SRGAP1: variants seen among roughly 807,000 people sequenced by gnomAD.
SRGAP1 encodes the protein SLIT-ROBO Rho GTPase-activating protein 1.
Under a neutral mutation model 121.9 loss-of-function variants are expected in SRGAP1, and 43 were observed. The ratio of observed to expected loss-of-function variants is 0.35; its 90% CI spans 0.28 to 0.46. The LOEUF (loss-of-function observed/expected upper bound fraction) is 0.46. Among genes scored for constraint, SRGAP1 ranks in the 20% least tolerant of loss-of-function variants. The pLI is 1.00. For missense variants in SRGAP1, 1,102 were observed against 1,350.9 expected (o/e 0.82, Z 2.89); for synonymous variants, 447 against 485.4 (o/e 0.92, Z 1.04).
At chr12:64,097,547 G>A (rs1428945815) in intron 15 of SRGAP1, 172 bp downstream of exon 15, 2 of 688,878 alleles carry the variant, frequency 2.9e-6, no homozygotes, top group Admixed American at 3.7e-5. Context: ...CCTCCCAGCT[G>A]TGGCCTCACC....
At chr12:64,019,846 C>A (rs982924635) in intron 4 of SRGAP1, among the ~76,000 whole-genome samples, 1 of 152,164 alleles carries the variant, frequency 6.6e-6, no homozygotes, top group Non-Finnish European at 1.5e-5. Context: ...TTTTGTACAA[C>A]TGATGATGTA....
chr12:63,982,737 A>G (rs888323955), intron 1 of SRGAP1: 3 of 152,196 alleles, frequency 2.0e-5, no homozygotes, highest in African/African-American at 7.2e-5. Flanking sequence ...TTCCAGCATG[A>G]TGTTCTTGTC....
At chr12:64,072,148 G>GTGTGTGTGTGT (rs1555171583) in intron 8 of SRGAP1, among the ~76,000 whole-genome samples, 93 of 52,950 alleles carry the variant, frequency 1.8e-3, no homozygotes, top group Non-Finnish European at 2.7e-3. Flanking sequence ...GTGTGTGTGT[G>GTGTGTGTGTGT]GGCGGCGGGG....
chr12:63,867,923 A>G (rs1467478191), intron 1 of SRGAP1, among the ~76,000 whole-genome samples: 1 of 151,134 alleles, frequency 6.6e-6, no homozygotes, highest in South Asian at 2.1e-4. Context: ...GCCCAATGTT[A>G]AAAAGTATTG....
intron 1 of SRGAP1, among the ~76,000 whole-genome samples, chr12:63,921,510 C>G (rs1309725326): frequency 6.6e-6 from 1 of 152,198 alleles, no homozygotes; most frequent in East Asian, 1.9e-4. Flanking sequence ...GGCGTTTGCA[C>G]AGGCTGAACC....
At chr12:63,954,683 A>AAAAAAAAAAG (rs1555244912) in intron 1 of SRGAP1, among the ~76,000 whole-genome samples, 4 of 147,796 alleles carry the variant, frequency 2.7e-5, no homozygotes, top group African/African-American at 1.0e-4. Flanking sequence ...ATCTCAAAAA[A>AAAAAAAAAAG]AAAAAAAAAG....
chr12:63,868,264 G>A (rs1367431823), intron 1 of SRGAP1, among the ~76,000 whole-genome samples: 3 of 151,056 alleles, frequency 2.0e-5, no homozygotes, highest in Non-Finnish European at 3.0e-5. Context: ...TGTATTTTTA[G>A]TAGAGATGGG....
intron 1 of SRGAP1, among the ~76,000 whole-genome samples, chr12:63,914,719 A>G (rs2030701197): frequency 6.6e-6 from 1 of 152,202 alleles, no homozygotes; most frequent in Non-Finnish European, 1.5e-5. Context: ...TAAGGCAGCT[A>G]ACGGAAAACC....
chr12:64,101,675 C>T (rs1275551890), intron 15 of SRGAP1, among the ~76,000 whole-genome samples: 1 of 152,008 alleles, frequency 6.6e-6, no homozygotes, highest in Admixed American at 6.6e-5. Flanking sequence ...CAGGTCATAC[C>T]CACAAAGTCT....
Position 64,146,283 on chromosome 12 carries a change from C to G in SRGAP1, c.*3611C>G, listed in dbSNP as rs896502083. 1 of 152,140 alleles carries G rather than the reference C, an allele frequency of 6.6e-6. No homozygotes were observed. The highest frequency in any genetic ancestry group is 6.5e-5 in the Admixed American group (1 of 15,278). The allele number at this position is 152,140 out of a possible 1,614,324, so 9.4% of individuals were successfully genotyped here. ...ATTTATAGCAGGGTCCCACAATCTA[C>G]TGCAATGATCGTGAACAGTTATCAG... On this transcript the variant is annotated 3_prime_UTR_variant, in exon 22 of 22. Transcript: ENST00000355086.
At chr12:64,099,504 G>T (rs1369226829) in intron 15 of SRGAP1, among the ~76,000 whole-genome samples, 1 of 152,162 alleles carries the variant, frequency 6.6e-6, no homozygotes, top group Non-Finnish European at 1.5e-5. Context: ...AGTGCCTAGA[G>T]TCTTGGCTCC....
At chr12:63,889,517 G>C (rs933694777) in intron 1 of SRGAP1, among the ~76,000 whole-genome samples, 1 of 152,174 alleles carries the variant, frequency 6.6e-6, no homozygotes, top group Non-Finnish European at 1.5e-5. Flanking sequence ...TAGAAAATGG[G>C]AGTCCATAGA....
intron 2 of SRGAP1, among the ~76,000 whole-genome samples, chr12:63,985,663 A>G (rs6581515): frequency 0.52 from 78,634 of 152,004 alleles, 20,837 homozygotes; most frequent in African/African-American, 0.63. Flanking sequence ...CTAAGTGGCA[A>G]TTGTATCCAC....
In SRGAP1 at chr12:64,157,150, AG is replaced by A. The variant is rs1231558100; in HGVS notation, c.*14481del. On this transcript the variant is annotated 3_prime_UTR_variant, in exon 22 of 22. Coordinates refer to ENST00000355086, the MANE Select transcript of SRGAP1 (RefSeq NM_020762.4). ...CTCCTTCAGACCCCCACTGTAACAAAGGGATGTGTCTACCTCTAAATTCATC... is the reference window on the plus strand; with the variant it reads ...CTCCTTCAGACCCCCACTGTAACAAAGGATGTGTCTACCTCTAAATTCATC... 2.6e-5 allele frequency: 4 copies of A among 152,204 alleles called. No homozygotes were observed. Among genetic ancestry groups the A allele is most frequent in the African/African-American group, 9.7e-5 (4 of 41,438 alleles). The allele number at this position is 152,204 out of a possible 1,614,324, so 9.4% of individuals were successfully genotyped here.
At chr12:64,047,601 T>G (rs187539109) in intron 6 of SRGAP1, among the ~76,000 whole-genome samples, 33 of 152,172 alleles carry the variant, frequency 2.2e-4, no homozygotes, top group Non-Finnish European at 1.6e-4. Context: ...TTATAAAGAG[T>G]CAGAGAATTA....
At chr12:64,109,210 G>A (rs1487984093) in intron 16 of SRGAP1, 173 bp downstream of exon 16, 5 of 394,274 alleles carry the variant, frequency 1.3e-5, no homozygotes, top group Non-Finnish European at 2.2e-5. Context: ...CAACATCATT[G>A]ATAGATGAAA....
At chr12:64,028,369 T>C (rs2034698915) in intron 4 of SRGAP1, among the ~76,000 whole-genome samples, 1 of 152,256 alleles carries the variant, frequency 6.6e-6, no homozygotes, top group Non-Finnish European at 1.5e-5. Flanking sequence ...TTAAGTCTCT[T>C]TGCAGCTCAG....
chr12:63,869,269 A>G (rs1432830784), intron 1 of SRGAP1, among the ~76,000 whole-genome samples: 2 of 152,204 alleles, frequency 1.3e-5, no homozygotes, highest in African/African-American at 4.8e-5. Context: ...AAGAAAGGGC[A>G]AGAGAGGGCC....
intron 3 of SRGAP1, among the ~76,000 whole-genome samples, chr12:64,010,345 C>T (rs748627342): frequency 1.3e-5 from 2 of 152,076 alleles, no homozygotes; most frequent in Non-Finnish European, 2.9e-5. Flanking sequence ...TGTACTCATA[C>T]GTGGTTGTTT....
Sources: allele counts gnomAD v4.1 joint callset (sites outside exome capture counted in the v4.1 genomes callset), GRCh38; gene constraint gnomAD v4.1.1; transcripts MANE v1.5; gene names NCBI Gene and HGNC (gene_info 2026-07-23, HGNC 2026-07-21).